TPD52: variants seen among roughly 807,000 people sequenced by gnomAD.
TPD52 encodes the protein tumor protein D52.
Under a neutral mutation model 31.3 loss-of-function variants are expected in TPD52, and 17 were observed. The ratio of observed to expected loss-of-function variants is 0.54; its 90% CI spans 0.37 to 0.82. TPD52 has a LOEUF of 0.82. Ranked by LOEUF, TPD52 falls within the 40% of genes least tolerant of loss-of-function variation. The pLI, the probability that TPD52 is intolerant of heterozygous loss-of-function variation, is 0.00. For synonymous variants in TPD52, 83 were observed against 89.6 expected, an observed-to-expected ratio of 0.93 and a Z score of 0.42; for missense variants, 212 against 240.1, an observed-to-expected ratio of 0.88 and a Z score of 0.77.
intron 1 of TPD52, among the ~76,000 whole-genome samples, chr8:80,066,134 A>C (rs2130705520): frequency 6.6e-6 from 1 of 152,272 alleles, no homozygotes; most frequent in East Asian, 1.9e-4. Context: ...CAGAAGAAAA[A>C]GGAAGGAGAA....
At chr8:80,068,221 G>A (rs181932489) in intron 1 of TPD52, among the ~76,000 whole-genome samples, 19 of 152,206 alleles carry the variant, frequency 1.2e-4, no homozygotes, top group East Asian at 1.9e-4. Flanking sequence ...ACCACCATCC[G>A]AGAGGAGTAT....
At chr8:80,132,590 C>T (rs1003742499) in intron 1 of TPD52, among the ~76,000 whole-genome samples, 1 of 152,202 alleles carries the variant, frequency 6.6e-6, no homozygotes, top group East Asian at 1.9e-4. Flanking sequence ...TGTTTCAGAA[C>T]TGGTTGTTAG....
At chr8:80,038,385 T>C in intron 7 of TPD52, 150 bp from the exon 8 acceptor site, 1 of 830,966 alleles carries the variant, frequency 1.2e-6, no homozygotes, top group Non-Finnish European at 1.8e-6. Flanking sequence ...TTTAGTATTG[T>C]TGCAATGTTC....
chr8:80,086,516 C>G (rs1374767710), intron 1 of TPD52, among the ~76,000 whole-genome samples: 1 of 151,992 alleles, frequency 6.6e-6, no homozygotes, highest in Non-Finnish European at 1.5e-5. Flanking sequence ...AGGAGACTGG[C>G]ATTACTAGGT....
Position 80,171,537 on chromosome 8 carries a change from C to G in TPD52, c.-94G>C. The G allele has an allele frequency of 7.1e-7, 1 of 1,402,794 alleles. No homozygotes were observed. The highest frequency in any genetic ancestry group is 9.2e-7 in the Non-Finnish European group (1 of 1,085,116). The allele number at this position is 1,402,794 out of a possible 1,614,324, so 86.9% of individuals were successfully genotyped here. On this transcript the variant is annotated 5_prime_UTR_variant, in exon 1 of 8. Coordinates refer to ENST00000518937, the MANE Select transcript of TPD52 (RefSeq NM_001025253.3). ...CGCCGCGCCGCGCAGAGCTCCTCCTCGCCTCCGCCGGCGACTCCCGCGAAG... is the reference window on the plus strand; with the variant it reads ...CGCCGCGCCGCGCAGAGCTCCTCCTGGCCTCCGCCGGCGACTCCCGCGAAG...
intron 1 of TPD52, among the ~76,000 whole-genome samples, chr8:80,155,538 A>C (rs1024112974): frequency 6.6e-6 from 1 of 152,174 alleles, no homozygotes. Flanking sequence ...TCTGAGGAAA[A>C]GGAAAAGTAG....
In TPD52 at chr8:80,042,499, G is replaced by A. The variant is rs561524963; in HGVS notation, c.504+121C>T. ...GTCCACTAGTAACATAAGGAGTAAA[G>A]TTATTTACATTCTTTAGATATTTTT... On this transcript the variant is annotated intron_variant, in intron 7 of 7. Coordinates refer to ENST00000518937, the MANE Select transcript of TPD52 (RefSeq NM_001025253.3). 1.2e-5 allele frequency: 17 copies of A among 1,475,700 alleles called. No individual in the cohort carries two copies. The Admixed American group carries it at 2.0e-4, about 17-fold the overall frequency. The allele number at this position is 1,475,700 out of a possible 1,614,324, so 91.4% of individuals were successfully genotyped here. A position where few individuals can be genotyped will look rare whatever the true frequency, so the allele number is the denominator to read the frequency against.
At chr8:80,065,416 C>A (rs1813031879) in intron 1 of TPD52, among the ~76,000 whole-genome samples, 1 of 151,970 alleles carries the variant, frequency 6.6e-6, no homozygotes, top group Non-Finnish European at 1.5e-5. Flanking sequence ...ACCAACCACA[C>A]CGCACCCATT....
At chr8:80,076,600 C>T (rs930506273) in intron 1 of TPD52, among the ~76,000 whole-genome samples, 1 of 152,162 alleles carries the variant, frequency 6.6e-6, no homozygotes, top group African/African-American at 2.4e-5. Flanking sequence ...AGAATCTGTA[C>T]ATCAAACCCC....
At chr8:80,089,981 TG>T (rs1816127461) in intron 1 of TPD52, among the ~76,000 whole-genome samples, 1 of 152,112 alleles carries the variant, frequency 6.6e-6, no homozygotes. Flanking sequence ...CCACAGGACT[TG>T]GGGTCTGGTG....
chr8:80,116,974 T>A (rs906294510), intron 1 of TPD52, among the ~76,000 whole-genome samples: 2 of 152,064 alleles, frequency 1.3e-5, no homozygotes, highest in Non-Finnish European at 2.9e-5. Context: ...ATCAAAACAC[T>A]CAACAAACTA....
chr8:80,034,104 T>C (rs113352965), downstream of TPD52, among the ~76,000 whole-genome samples: 404 of 152,034 alleles, frequency 2.7e-3, 3 homozygotes, highest in African/African-American at 9.2e-3. Flanking sequence ...CTGGTGCCCA[T>C]AGTTGGGAGG....
intron 1 of TPD52, among the ~76,000 whole-genome samples, chr8:80,166,740 C>T (rs1463077037): frequency 1.3e-5 from 2 of 151,526 alleles, no homozygotes; most frequent in Non-Finnish European, 2.9e-5. Context: ...CCCATCTCTA[C>T]TAAAAATACA....
At chr8:80,115,142 AAC>A (rs1807774903) in intron 1 of TPD52, among the ~76,000 whole-genome samples, 1 of 152,160 alleles carries the variant, frequency 6.6e-6, no homozygotes, top group African/African-American at 2.4e-5. Context: ...GACTTTTTTA[AAC>A]ACAGAGGGCT....
At chr8:80,167,357 T>G (rs1309223302) in intron 1 of TPD52, among the ~76,000 whole-genome samples, 2 of 152,262 alleles carry the variant, frequency 1.3e-5, no homozygotes, top group Non-Finnish European at 2.9e-5. Context: ...TTTTTGGTTT[T>G]GCACTGTGAG....
At chr8:80,156,775 G>A (rs1173741103) in intron 1 of TPD52, among the ~76,000 whole-genome samples, 1 of 152,200 alleles carries the variant, frequency 6.6e-6, no homozygotes, top group Admixed American at 6.5e-5. Flanking sequence ...CAAGTAGGTT[G>A]AGAGGGAAGA....
chr8:80,126,445 A>T (rs1456375610), intron 1 of TPD52, among the ~76,000 whole-genome samples: 11 of 151,356 alleles, frequency 7.3e-5, no homozygotes, highest in African/African-American at 1.9e-4. Context: ...GAAACAGTAA[A>T]CAATGCTTTT....
At chr8:80,130,698 G>C (rs927831015) in intron 1 of TPD52, among the ~76,000 whole-genome samples, 1 of 152,164 alleles carries the variant, frequency 6.6e-6, no homozygotes, top group Non-Finnish European at 1.5e-5. Flanking sequence ...AAATTAAGAT[G>C]CAGAGCTACC....
rs956101039 is a variant in TPD52, at chr8:80,131,939, AT to A, written c.19+39485del. 2.6e-5 allele frequency among the ~76,000 whole-genome samples: 4 copies of A among 152,084 alleles called. 1 individual carries two copies. The highest frequency in any genetic ancestry group is 9.7e-5 in the African/African-American group (4 of 41,368). On this transcript the variant is annotated intron_variant, in intron 1 of 7. Transcript: ENST00000518937. ...GGATGCAAACCCAACTCTCCTACTGATTAGATGTATGAAATGGTGAAATCTC... is the reference window on the plus strand; with the variant it reads ...GGATGCAAACCCAACTCTCCTACTGATAGATGTATGAAATGGTGAAATCTC...
Sources: allele counts gnomAD v4.1 joint callset (sites outside exome capture counted in the v4.1 genomes callset), GRCh38; gene constraint gnomAD v4.1.1; transcripts MANE v1.5; gene names NCBI Gene and HGNC (gene_info 2026-07-23, HGNC 2026-07-21).